The following MICAL2 variants were observed in gnomAD, a reference collection of about 807,000 sequenced individuals.
MICAL2 encodes microtubule associated monooxygenase, calponin and LIM domain containing 2.
A neutral mutation model predicts 127.3 loss-of-function variants in MICAL2; 77 were observed. The observed-to-expected ratio is 0.60, with a 90% CI of 0.50 to 0.73. MICAL2 has a LOEUF of 0.73. Ranked by LOEUF, MICAL2 falls within the 30% of genes least tolerant of loss-of-function variation. The probability of loss-of-function intolerance (pLI) is 0.00; values close to 1 mark genes in which losing one functional copy is unlikely to be tolerated. For synonymous variants in MICAL2, 570 were observed against 551.1 expected (o/e 1.03, Z -0.48); for missense variants, 1,351 against 1,434.4 (o/e 0.94, Z 0.94).
intron 1 of MICAL2, among the ~76,000 whole-genome samples, chr11:12,138,102 A>G (rs1241440290): frequency 6.6e-6 from 1 of 152,236 alleles, no homozygotes; most frequent in Non-Finnish European, 1.5e-5. Context: ...TGTTTTCCGG[A>G]TCCCTCCTAC....
At chr11:12,116,715 G>A (rs1208371460) in intron 1 of MICAL2, 1 of 152,164 alleles carries the variant, frequency 6.6e-6, no homozygotes, top group Non-Finnish European at 1.5e-5. Context: ...TTCTTTGCAG[G>A]ATTGGGTCAA....
chr11:12,234,302 C>CAAA (rs35320196), intron 15 of MICAL2, among the ~76,000 whole-genome samples: 23 of 136,400 alleles, frequency 1.7e-4, no homozygotes, highest in Admixed American at 1.2e-3. Context: ...AGGTAGAAAC[C>CAAA]AAAAAAAAAA....
At chr11:12,293,302 C>G (rs1863927893), downstream of MICAL2, among the ~76,000 whole-genome samples, 1 of 152,156 alleles carries the variant, frequency 6.6e-6, no homozygotes, top group South Asian at 2.1e-4. Flanking sequence ...GGCTTCCAAC[C>G]CAGCTAATCT....
chr11:12,260,095 A>G, intron 26 of MICAL2, 198 bp downstream of exon 26: 1 of 1,536,576 alleles, frequency 6.5e-7, no homozygotes. Context: ...CCTGGCAGCC[A>G]TGTACAGGGA....
chr11:12,139,565 G>A (rs940957315), intron 2 of MICAL2, among the ~76,000 whole-genome samples: 1 of 152,154 alleles, frequency 6.6e-6, no homozygotes, highest in African/African-American at 2.4e-5. Context: ...GAGGGATCAC[G>A]TGGGGTGAGG....
intron 30 of MICAL2, chr11:12,323,916 AT>A: frequency 6.5e-7 from 1 of 1,547,290 alleles, no homozygotes; most frequent in South Asian, 1.2e-5. Flanking sequence ...CTATAACGAT[AT>A]TTTGTAAATT....
At chr11:12,261,090 A>C in intron 26 of MICAL2, 1 of 985,494 alleles carries the variant, frequency 1.0e-6, no homozygotes, top group Non-Finnish European at 1.2e-6. Context: ...TGGTCAGGCC[A>C]AGTGGAGTGG....
intron 15 of MICAL2, among the ~76,000 whole-genome samples, chr11:12,234,472 A>G (rs1179055133): frequency 1.3e-5 from 2 of 152,156 alleles, no homozygotes; most frequent in Non-Finnish European, 2.9e-5. Flanking sequence ...CATTGTTGCA[A>G]ATAAGATCAT....
chr11:12,200,923 C>G (rs866520981), intron 3 of MICAL2, among the ~76,000 whole-genome samples: 1 of 152,104 alleles, frequency 6.6e-6, no homozygotes, highest in Non-Finnish European at 1.5e-5. Context: ...TCTCTTCACC[C>G]CACATCCTTC....
chr11:12,337,616 C>T (rs1463711184), intron 32 of MICAL2, among the ~76,000 whole-genome samples: 1 of 151,934 alleles, frequency 6.6e-6, no homozygotes. Context: ...CCTCTACACA[C>T]TGCTTTGAAT....
At chr11:12,260,733 C>T (rs1862997556) in intron 26 of MICAL2, 2 of 985,480 alleles carry the variant, frequency 2.0e-6, no homozygotes, top group Non-Finnish European at 2.4e-6. Flanking sequence ...TAGAATTCAA[C>T]TTACAGAAGC....
downstream of MICAL2, among the ~76,000 whole-genome samples, chr11:12,290,845 C>T (rs1013143177): frequency 3.3e-5 from 5 of 152,176 alleles, no homozygotes; most frequent in African/African-American, 9.7e-5. Context: ...GACAGAATAT[C>T]GAGAACGGTG....
intron 15 of MICAL2, among the ~76,000 whole-genome samples, chr11:12,228,393 C>T (rs1857760643): frequency 1.3e-5 from 2 of 152,158 alleles, no homozygotes; most frequent in South Asian, 2.1e-4. Context: ...CCTGCTACTC[C>T]GTTGTACTTC....
chr11:12,174,082 A>G (rs915685976), intron 3 of MICAL2, among the ~76,000 whole-genome samples: 1 of 152,118 alleles, frequency 6.6e-6, no homozygotes. Context: ...ATTTTATAAA[A>G]CTTACAGTTG....
intron 3 of MICAL2, among the ~76,000 whole-genome samples, chr11:12,187,872 T>G (rs1858518876): frequency 7.3e-6 from 1 of 137,042 alleles, no homozygotes; most frequent in Non-Finnish European, 1.6e-5. Context: ...CCTTGTTCCC[T>G]GGGGTAGGCG....
rs1275846841 is a variant in MICAL2 at position 12,320,735 on chromosome 11, C to T, written c.5328+924C>T. On this transcript the variant is annotated intron_variant, in intron 30 of 34. Coordinates refer to the MICAL2 transcript ENST00000646065. ...AGATTTGACATCATCTCAAGTCACT[C>T]TGGGGTTCCAACTCCCCATGGCCCA... 2.0e-5 allele frequency among the ~76,000 whole-genome samples: 3 copies of T among 152,088 alleles called. No individual in the cohort carries two copies. In the East Asian group the frequency reaches 5.8e-4, roughly 29 times the overall value.
At chr11:12,176,485 C>CT (rs1214162652) in intron 3 of MICAL2, among the ~76,000 whole-genome samples, 8 of 152,246 alleles carry the variant, frequency 5.3e-5, no homozygotes, top group East Asian at 1.9e-4. Context: ...TGTGACACAA[C>CT]TTTTTTTAAC....
chr11:12,169,566 A>G (rs374708319), intron 3 of MICAL2, among the ~76,000 whole-genome samples: 4 of 152,088 alleles, frequency 2.6e-5, no homozygotes, highest in African/African-American at 9.7e-5. Flanking sequence ...TGGTATTTTT[A>G]GTAGAAATGG....
intron 3 of MICAL2, among the ~76,000 whole-genome samples, chr11:12,180,941 T>A: frequency 8.1e-6 from 1 of 123,646 alleles, no homozygotes; most frequent in African/African-American, 3.9e-5. Flanking sequence ...TTTTTTTTTT[T>A]TTTTGAGATG....
Sources: gnomAD v4.1 joint callset for allele counts (sites outside exome capture counted in the v4.1 genomes callset) on GRCh38, gnomAD v4.1.1 for gene constraint, MANE v1.5 for transcripts, NCBI Gene and HGNC (gene_info 2026-07-23, HGNC 2026-07-21) for gene names.